The following CLDN16 variants were observed in gnomAD, a reference collection of about 807,000 sequenced individuals.
CLDN16 encodes claudin-16.
A neutral mutation model predicts 24.6 loss-of-function variants in CLDN16; 13 were observed. The ratio of observed to expected loss-of-function variants is 0.53; its 90% CI spans 0.34 to 0.84. The LOEUF is 0.84. Among genes scored for constraint, CLDN16 ranks in the 40% least tolerant of loss-of-function variants. The pLI, the probability that CLDN16 is intolerant of heterozygous loss-of-function variation, is 0.01. For missense variants in CLDN16, 298 were observed against 292.7 expected (o/e 1.02, Z -0.13); for synonymous variants, 116 against 106.7 (o/e 1.09, Z -0.54).
chr3:190,390,489 G>C (rs1254238646), intron 1 of CLDN16, among the ~76,000 whole-genome samples: 1 of 152,114 alleles, frequency 6.6e-6, no homozygotes, highest in Non-Finnish European at 1.5e-5. Flanking sequence ...AGCCGAGATT[G>C]TGCCACTGCA....
intron 1 of CLDN16, among the ~76,000 whole-genome samples, chr3:190,348,280 C>CA (rs34092127): frequency 0.46 from 35,054 of 76,892 alleles, 8,296 homozygotes; most frequent in Non-Finnish European, 0.58. Context: ...AAGAATAAAT[C>CA]AAAAAAAAAA....
chr3:190,333,356 T>C (rs969957172), intron 1 of CLDN16, among the ~76,000 whole-genome samples: 7 of 152,172 alleles, frequency 4.6e-5, no homozygotes, highest in Non-Finnish European at 7.4e-5. Flanking sequence ...TTAGAAATAT[T>C]TGGGCCAATG....
chr3:190,408,251 T>C (rs562254554), intron 3 of CLDN16, 63 bp from the exon 4 acceptor site: 3 of 1,473,608 alleles, frequency 2.0e-6, no homozygotes, highest in Non-Finnish European at 2.9e-6. Flanking sequence ...AGTAAGCAGG[T>C]ATTTTTGGAT....
intron 1 of CLDN16, among the ~76,000 whole-genome samples, chr3:190,348,972 C>T (rs1440557363): frequency 1.3e-5 from 2 of 152,192 alleles, no homozygotes; most frequent in Admixed American, 1.3e-4. Flanking sequence ...TAGCTCCATC[C>T]ATGTCTCTGC....
At position 190,360,529 on chromosome 3, in the gene CLDN16, G is replaced by C. The variant is rs9870737; in HGVS notation, n.122-10364G>C. 8.5e-3 allele frequency among the ~76,000 whole-genome samples: 1,289 copies of C among 152,014 alleles called. 16 individuals are homozygous for C. Among genetic ancestry groups the C allele is most frequent in the African/African-American group, 0.029 (1,221 of 41,520 alleles). On this transcript the variant is annotated intron_variant and non_coding_transcript_variant, in intron 1 of 4. Coordinates refer to the CLDN16 transcript ENST00000468220. ...CAGAGTTGAAATAGGGAGGATGAAT[G>C]TGATAAGAACAAAATGTAGCTAGAG...
chr3:190,332,290 G>A (rs1717196817), intron 1 of CLDN16, among the ~76,000 whole-genome samples: 1 of 152,014 alleles, frequency 6.6e-6, no homozygotes, highest in Non-Finnish European at 1.5e-5. Flanking sequence ...ACATATTTCT[G>A]AATTTAACAA....
chr3:190,373,226 G>A (rs1718178667), intron 2 of CLDN16, among the ~76,000 whole-genome samples: 1 of 123,384 alleles, frequency 8.1e-6, no homozygotes, highest in Non-Finnish European at 1.7e-5. Context: ...ATAAATATCT[G>A]TTTCAGCAGG....
intron 1 of CLDN16, among the ~76,000 whole-genome samples, chr3:190,347,805 G>A (rs1034491472): frequency 1.6e-4 from 24 of 152,108 alleles, no homozygotes; most frequent in African/African-American, 5.8e-4. Context: ...GCTGAGACCT[G>A]CATGATATGA....
the CLDN16 span, among the ~76,000 whole-genome samples, chr3:190,317,189 A>G: frequency 3.9e-5 from 6 of 152,122 alleles, no homozygotes; most frequent in Non-Finnish European, 8.8e-5. Context: ...TCCTTTTCTC[A>G]CCTCTTAAAT....
chr3:190,334,997 T>C lies in CLDN16; in HGVS notation n.121+12336T>C, dbSNP rs1717265309. Among the ~76,000 whole-genome samples, 5 of 151,316 alleles carry C rather than the reference T, an allele frequency of 3.3e-5. No individual in the cohort carries two copies. The South Asian group carries it at 1.0e-3, about 32-fold the overall frequency. On this transcript the variant is annotated intron_variant and non_coding_transcript_variant, in intron 1 of 4. Transcript: ENST00000468220. ...TTTTATTTTTCTTTTCTTTTCTTTT[T>C]ATTCTTTTCTTTCCTTTTCTTTTTT...
At chr3:190,332,182 GTTA>G (rs1178671159) in intron 1 of CLDN16, among the ~76,000 whole-genome samples, 1 of 152,092 alleles carries the variant, frequency 6.6e-6, no homozygotes, top group Non-Finnish European at 1.5e-5. Context: ...GCAGAGGGAG[GTTA>G]TTATTCTACC....
At chr3:190,363,997 G>A (rs960793187) in intron 1 of CLDN16, among the ~76,000 whole-genome samples, 13 of 151,976 alleles carry the variant, frequency 8.6e-5, no homozygotes, top group Non-Finnish European at 1.6e-4. Context: ...CCTAATTGGA[G>A]ATTGTCTTCT....
chr3:190,325,529 C>A lies in CLDN16; in HGVS notation n.121+2868C>A, dbSNP rs1035114859. Among the ~76,000 whole-genome samples, 6 of 152,252 alleles carry A rather than the reference C, an allele frequency of 3.9e-5. No individual in the cohort carries two copies. The South Asian group carries it at 6.2e-4, about 16-fold the overall frequency. On this transcript the variant is annotated intron_variant and non_coding_transcript_variant, in intron 1 of 4. Transcript: ENST00000468220. ...AGAGATGTGTAAAAACAGCAAATAGCGTACTGGTTTATTCCATGTGCTTGT... is the reference window on the plus strand; with the variant it reads ...AGAGATGTGTAAAAACAGCAAATAGAGTACTGGTTTATTCCATGTGCTTGT...
intron 1 of CLDN16, among the ~76,000 whole-genome samples, chr3:190,351,605 ATTG>A (rs1402035169): frequency 2.6e-5 from 4 of 152,270 alleles, no homozygotes; most frequent in Admixed American, 1.3e-4. Context: ...ACATTTTATT[ATTG>A]TTGTTGTTAT....
intron 1 of CLDN16, among the ~76,000 whole-genome samples, chr3:190,400,675 T>C (rs571928930): frequency 2.8e-4 from 42 of 152,386 alleles, no homozygotes; most frequent in African/African-American, 1.0e-3. Flanking sequence ...TGTTAAATAG[T>C]ATTCCATTGT....
the CLDN16 span, chr3:190,310,098 G>A: frequency 8.0e-7 from 1 of 1,256,946 alleles, no homozygotes; most frequent in South Asian, 1.2e-5. Context: ...GATGGCACTA[G>A]CAGGACTTTG....
chr3:190,309,032 C>T, the CLDN16 span, among the ~76,000 whole-genome samples: 1 of 152,002 alleles, frequency 6.6e-6, no homozygotes, highest in Non-Finnish European at 1.5e-5. Context: ...ATGGACAATA[C>T]GGAAGAGTAG....
the CLDN16 span, among the ~76,000 whole-genome samples, chr3:190,294,246 T>C: frequency 6.6e-6 from 1 of 152,158 alleles, no homozygotes; most frequent in Non-Finnish European, 1.5e-5. Context: ...TCTGACCTCA[T>C]GACTTTATCA....
chr3:190,327,892 TG>T (rs1161570248), intron 1 of CLDN16, among the ~76,000 whole-genome samples: 1 of 152,206 alleles, frequency 6.6e-6, no homozygotes, highest in Non-Finnish European at 1.5e-5. Flanking sequence ...AACACTTTAG[TG>T]AATAAAACAA....
Sources: gnomAD v4.1 joint callset for allele counts (sites outside exome capture counted in the v4.1 genomes callset) on GRCh38, gnomAD v4.1.1 for gene constraint, MANE v1.5 for transcripts, NCBI Gene and HGNC (gene_info 2026-07-23, HGNC 2026-07-21) for gene names.